The following TRDN variants were observed in gnomAD, a reference collection of about 807,000 sequenced individuals.
The protein encoded by TRDN is triadin in skeletal muscle.
Under a neutral mutation model 149.7 loss-of-function variants are expected in TRDN, and 161 were observed. That is an observed-to-expected ratio of 1.08 (90% confidence interval 0.95 to 1.23). TRDN has a LOEUF of 1.23. TRDN is among the 50% of genes most tolerant of loss of function. The pLI is 0.00. For synonymous variants in TRDN, 294 were observed against 250.5 expected, an observed-to-expected ratio of 1.17 and a Z score of -1.64; for missense variants, 896 against 823.5, an observed-to-expected ratio of 1.09 and a Z score of -1.08.
rs373960228 is a variant in TRDN, at chr6:123,288,497, A to G, written c.1511-9415T>C. Among the ~76,000 whole-genome samples, 21 of 152,230 alleles carry G rather than the reference A, an allele frequency of 1.4e-4. No individual in the cohort carries two copies. The South Asian group carries it at 4.1e-3, about 30-fold the overall frequency. On this transcript the variant is annotated intron_variant, in intron 24 of 40. Transcript: ENST00000334268. ...AAATCATACTTCTGATAAAGGGCTA[A>G]AAGCAAAGAGATTTGAGGACTCAAA...
chr6:123,281,728 G>A (rs1485114440), intron 24 of TRDN, among the ~76,000 whole-genome samples: 1 of 152,004 alleles, frequency 6.6e-6, no homozygotes, highest in Non-Finnish European at 1.5e-5. Flanking sequence ...AAACCAAGTT[G>A]TGATAAACAC....
chr6:123,364,127 C>T (rs571643976), intron 20 of TRDN, among the ~76,000 whole-genome samples: 78 of 152,238 alleles, frequency 5.1e-4, no homozygotes, highest in Non-Finnish European at 8.7e-4. Context: ...TCTGAGCCTA[C>T]TCTGGCTCAG....
intron 12 of TRDN, among the ~76,000 whole-genome samples, chr6:123,408,926 T>G (rs1344292471): frequency 3.3e-5 from 5 of 152,118 alleles, no homozygotes; most frequent in Non-Finnish European, 5.9e-5. Context: ...CAAATAACAC[T>G]GGAGAGCACT....
chr6:123,599,799 C>T lies in TRDN; in HGVS notation c.23-28667G>A, dbSNP rs183020244. Among the ~76,000 whole-genome samples, 5 of 151,820 alleles carry T rather than the reference C, an allele frequency of 3.3e-5. No individual in the cohort carries two copies. In the East Asian group the frequency reaches 9.7e-4, roughly 29 times the overall value. ...GTTACACAAATAAAACTCTAGACAT[C>T]CTCACACTTTTAAATATGTTTGCAT... On this transcript the variant is annotated intron_variant, in intron 1 of 40. Transcript: ENST00000334268.
At chr6:123,619,984 T>C (rs1032477507) in intron 1 of TRDN, among the ~76,000 whole-genome samples, 3 of 152,048 alleles carry the variant, frequency 2.0e-5, no homozygotes, top group Non-Finnish European at 4.4e-5. Flanking sequence ...AGGCAAATAG[T>C]TTCTCTCTTT....
At chr6:123,393,974 T>A (rs1425674387) in intron 12 of TRDN, among the ~76,000 whole-genome samples, 3 of 152,148 alleles carry the variant, frequency 2.0e-5, no homozygotes, top group African/African-American at 7.2e-5. Context: ...AATTTGAAAA[T>A]CTCAGAATTC....
chr6:123,449,074 C>T (rs1246646139), intron 10 of TRDN, among the ~76,000 whole-genome samples: 2 of 152,110 alleles, frequency 1.3e-5, no homozygotes, highest in African/African-American at 2.4e-5. Flanking sequence ...TGAACAACAG[C>T]CTTCAGCCCT....
chr6:123,390,695 T>C (rs17737857), intron 13 of TRDN, among the ~76,000 whole-genome samples: 81,316 of 151,950 alleles, frequency 0.54, 22,710 homozygotes, highest in African/African-American at 0.69. Flanking sequence ...CCACGTGTCC[T>C]ACTTCTGGTC....
At chr6:123,364,784 G>A (rs549382558) in intron 20 of TRDN, among the ~76,000 whole-genome samples, 1 of 152,122 alleles carries the variant, frequency 6.6e-6, no homozygotes, top group Non-Finnish European at 1.5e-5. Flanking sequence ...ACATAAATCA[G>A]TGCCTTGGCC....
intron 29 of TRDN, among the ~76,000 whole-genome samples, chr6:123,271,706 C>T (rs3853056): frequency 2.7e-4 from 41 of 151,962 alleles, no homozygotes; most frequent in African/African-American, 9.2e-4. Flanking sequence ...ATGTTTGGGT[C>T]AAAGTAAAGA....
At chr6:123,237,077 T>G (rs1775812434) in intron 38 of TRDN, among the ~76,000 whole-genome samples, 1 of 152,140 alleles carries the variant, frequency 6.6e-6, no homozygotes, top group Admixed American at 6.5e-5. Flanking sequence ...TAATAATTTT[T>G]ATCATCACCT....
chr6:123,364,761 T>C (rs946461989), intron 20 of TRDN, among the ~76,000 whole-genome samples: 2 of 152,240 alleles, frequency 1.3e-5, no homozygotes, highest in Non-Finnish European at 2.9e-5. Flanking sequence ...TTGGCCACAC[T>C]TTTGTCCTTT....
At chr6:123,325,902 G>A (rs1779433894) in intron 23 of TRDN, among the ~76,000 whole-genome samples, 1 of 152,026 alleles carries the variant, frequency 6.6e-6, no homozygotes, top group Non-Finnish European at 1.5e-5. Flanking sequence ...TTCCCCTGCA[G>A]GTTTGTATCT....
chr6:123,634,218 G>A (rs201120609), intron 1 of TRDN, among the ~76,000 whole-genome samples: 1 of 151,888 alleles, frequency 6.6e-6, no homozygotes. Flanking sequence ...ATCTTGGCTT[G>A]AGGCCAGTAG....
intron 9 of TRDN, among the ~76,000 whole-genome samples, chr6:123,476,815 T>C (rs1777503052): frequency 1.3e-5 from 2 of 151,574 alleles, no homozygotes; most frequent in Non-Finnish European, 2.9e-5. Flanking sequence ...GGGGAAAGGA[T>C]TCCCTATTTA....
intron 29 of TRDN, among the ~76,000 whole-genome samples, chr6:123,271,432 G>A (rs1777203318): frequency 6.6e-6 from 1 of 151,894 alleles, no homozygotes; most frequent in Admixed American, 6.6e-5. Flanking sequence ...TCCCTAACAT[G>A]CCAATATGAG....
At chr6:123,447,732 C>T (rs1303713396) in intron 10 of TRDN, among the ~76,000 whole-genome samples, 1 of 150,860 alleles carries the variant, frequency 6.6e-6, no homozygotes, top group African/African-American at 2.4e-5. Context: ...AGATTGTGGC[C>T]ACTGCACTCT....
intron 8 of TRDN, chr6:123,503,336 A>T: frequency 1.0e-6 from 1 of 985,318 alleles, no homozygotes; most frequent in Non-Finnish European, 1.2e-6. Context: ...CAAACTCCTT[A>T]GGAATTGCTG....
At chr6:123,398,299 C>T (rs1205658709) in intron 12 of TRDN, among the ~76,000 whole-genome samples, 1 of 152,202 alleles carries the variant, frequency 6.6e-6, no homozygotes, top group Non-Finnish European at 1.5e-5. Context: ...GCCACCGTGC[C>T]TGGCCGACCG....
Sources: allele counts gnomAD v4.1 joint callset (sites outside exome capture counted in the v4.1 genomes callset), GRCh38; gene constraint gnomAD v4.1.1; transcripts MANE v1.5; gene names NCBI Gene and HGNC (gene_info 2026-07-23, HGNC 2026-07-21).